BTBD9: variants seen among roughly 807,000 people sequenced by gnomAD.
BTBD9 encodes BTB domain containing 9.
Under a neutral mutation model 64.3 loss-of-function variants are expected in BTBD9, and 49 were observed. That is an observed-to-expected ratio of 0.76 (90% CI 0.61 to 0.97). BTBD9 has a LOEUF of 0.97. Among genes scored for constraint, BTBD9 ranks in the 50% least tolerant of loss-of-function variants. The probability of loss-of-function intolerance (pLI) is 0.00; values close to 1 mark genes in which losing one functional copy is unlikely to be tolerated. For missense variants in BTBD9, 598 were observed against 762.1 expected (o/e 0.78, Z 2.53); for synonymous variants, 260 against 274.7 (o/e 0.95, Z 0.53).
chr6:38,261,537 G>T (rs566164281), intron 8 of BTBD9, among the ~76,000 whole-genome samples: 1 of 152,036 alleles, frequency 6.6e-6, no homozygotes, highest in South Asian at 2.1e-4. Context: ...TTAACTTATT[G>T]AGCTTGAACA....
At position 38,179,586 on chromosome 6, in the gene BTBD9, G is replaced by A. The variant is rs547884071; in HGVS notation, c.1642-4404C>T. On this transcript the variant is annotated intron_variant, in intron 10 of 10. Transcript: ENST00000481247. ...CAGGTGCGCCCACAGCGCAGCTCCT[G>A]CCCTCAGGACCTCTCAGGCAGTTGG... 337 of 456,754 alleles carry A rather than the reference G, an allele frequency of 7.4e-4. No individual in the cohort carries two copies. The Middle Eastern group carries it at 0.012, about 16-fold the overall frequency. 28.3% of individuals were successfully genotyped at this position (456,754 alleles called of 1,614,324 possible). A position where few individuals can be genotyped will look rare whatever the true frequency, so the allele number is the denominator to read the frequency against.
intron 9 of BTBD9, among the ~76,000 whole-genome samples, chr6:38,241,176 C>T (rs1185328125): frequency 1.3e-5 from 2 of 152,214 alleles, no homozygotes; most frequent in African/African-American, 4.8e-5. Flanking sequence ...AATTCAGTAA[C>T]TCTCCAGAGA....
chr6:38,282,313 T>C (rs1350039818), intron 8 of BTBD9, among the ~76,000 whole-genome samples: 1 of 152,256 alleles, frequency 6.6e-6, no homozygotes, highest in Admixed American at 6.5e-5. Context: ...ACTTTTGCTG[T>C]GCTTGTAAAC....
intron 9 of BTBD9, among the ~76,000 whole-genome samples, chr6:38,239,461 G>T (rs114778154): frequency 0.1 from 13,688 of 134,588 alleles, 1,055 homozygotes; most frequent in East Asian, 0.45. Context: ...AAAAAAAAAA[G>T]ATATAATCTC....
At chr6:38,359,004 C>A (rs1163601858) in intron 6 of BTBD9, among the ~76,000 whole-genome samples, 1 of 151,974 alleles carries the variant, frequency 6.6e-6, no homozygotes, top group Non-Finnish European at 1.5e-5. Context: ...ATCTCCTGAC[C>A]TCATGATCCA....
Position 38,577,584 on chromosome 6 carries a change from A to G in BTBD9, c.1154+16T>C. On this transcript the variant is annotated intron_variant, in intron 6 of 10. Coordinates refer to ENST00000481247, the MANE Select transcript of BTBD9 (RefSeq NM_001099272.2). Reference sequence around the variant, plus strand: ...ATATAAGAATAAAAATCATTTATTAACCACTGAAAACTAACCTGCAGACAC... The same window carrying G: ...ATATAAGAATAAAAATCATTTATTAGCCACTGAAAACTAACCTGCAGACAC... 1 of 1,588,444 alleles carries G rather than the reference A, an allele frequency of 6.3e-7. No individual in the cohort carries two copies.
At chr6:38,459,422 GC>G (rs1343939864) in intron 6 of BTBD9, among the ~76,000 whole-genome samples, 3 of 152,164 alleles carry the variant, frequency 2.0e-5, no homozygotes, top group African/African-American at 7.2e-5. Flanking sequence ...ACTGGTTCTG[GC>G]CAATGGGTTG....
intron 6 of BTBD9, among the ~76,000 whole-genome samples, chr6:38,399,575 G>GA (rs1766835404): frequency 6.6e-6 from 1 of 152,168 alleles, no homozygotes; most frequent in Non-Finnish European, 1.5e-5. Context: ...CTATGGCAGA[G>GA]ACTGTGAGTT....
chr6:38,314,724 T>C (rs1762971278), intron 7 of BTBD9, among the ~76,000 whole-genome samples: 1 of 152,220 alleles, frequency 6.6e-6, no homozygotes, highest in Admixed American at 6.5e-5. Flanking sequence ...AGTTGTTAAG[T>C]TAGAAATTTA....
At chr6:38,608,743 A>G (rs1377164774) in intron 1 of BTBD9, among the ~76,000 whole-genome samples, 1 of 152,212 alleles carries the variant, frequency 6.6e-6, no homozygotes. Context: ...CAACTCTGAG[A>G]AATTTGTACA....
intron 1 of BTBD9, among the ~76,000 whole-genome samples, chr6:38,627,469 T>C (rs1319473958): frequency 6.6e-6 from 1 of 152,162 alleles, no homozygotes; most frequent in African/African-American, 2.4e-5. Context: ...TGTTTCTGAA[T>C]AGATATGCAA....
rs549827370 is a variant in BTBD9, at chr6:38,542,395, C to T, written c.1154+35205G>A. Among the ~76,000 whole-genome samples, 3 of 152,248 alleles carry T rather than the reference C, an allele frequency of 2.0e-5. No homozygotes were observed. The East Asian group carries it at 5.8e-4, about 29-fold the overall frequency. Reference sequence around the variant, plus strand: ...CCCAGTGTCAAGGATGTCTCCCTCTCTCATTCTCTCCTCTATCCATTCTCT... The same window carrying T: ...CCCAGTGTCAAGGATGTCTCCCTCTTTCATTCTCTCCTCTATCCATTCTCT... On this transcript the variant is annotated intron_variant, in intron 6 of 10. Coordinates refer to ENST00000481247, the MANE Select transcript of BTBD9 (RefSeq NM_001099272.2).
rs1280692259 is a variant in BTBD9, at chr6:38,374,288, T to TATATATATACAC, written c.1155-29196_1155-29195insGTGTATATATAT. Among the ~76,000 whole-genome samples, 102 of 69,274 alleles carry TATATATATACAC rather than the reference T, an allele frequency of 1.5e-3. 6 individuals carry two copies. Among genetic ancestry groups the TATATATATACAC allele is most frequent in the African/African-American group, 0.011 (92 of 8,412 alleles). 45.4% of individuals were successfully genotyped at this position (69,274 alleles called of 152,430 possible). A position where few individuals can be genotyped will look rare whatever the true frequency, so the allele number is the denominator to read the frequency against. ...TGTGTCGAAAAAAAAAAAAAGTATA[T>TATATATATACAC]ATATATATGTATATATATGTATATA... On this transcript the variant is annotated intron_variant, in intron 6 of 10. Transcript: ENST00000481247.
chr6:38,310,734 A>G (rs375432942), intron 7 of BTBD9, among the ~76,000 whole-genome samples: 5 of 152,278 alleles, frequency 3.3e-5, no homozygotes, highest in South Asian at 4.1e-4. Context: ...GGTACAGGGT[A>G]TCCATCACCT....
chr6:38,444,627 C>T (rs1769188812), intron 6 of BTBD9, among the ~76,000 whole-genome samples: 1 of 152,078 alleles, frequency 6.6e-6, no homozygotes, highest in Non-Finnish European at 1.5e-5. Flanking sequence ...TTACTTAACC[C>T]CTCTGTACTT....
chr6:38,374,286 T>TATATATATATACACAC (rs1444399511), intron 6 of BTBD9, among the ~76,000 whole-genome samples: 1 of 67,514 alleles, frequency 1.5e-5, no homozygotes, highest in African/African-American at 1.3e-4. Flanking sequence ...AAAAAAAGTA[T>TATATATATATACACAC]ATATATATAT....
chr6:38,634,831 A>G (rs1188370634), intron 1 of BTBD9, among the ~76,000 whole-genome samples: 4 of 152,224 alleles, frequency 2.6e-5, no homozygotes, highest in African/African-American at 9.6e-5. Flanking sequence ...TAGATTCTGG[A>G]GAAAACAAAA....
chr6:38,592,554 T>A lies in BTBD9; in HGVS notation c.814+22A>T, dbSNP rs577473055. On this transcript the variant is annotated intron_variant, in intron 4 of 10. Coordinates refer to ENST00000481247, the MANE Select transcript of BTBD9 (RefSeq NM_001099272.2). ...AGGCATACCAAGCTTCTTGGTTGAG[T>A]TTAGGATAGACAGGTACTTACTGAG... The A allele has an allele frequency of 5.6e-6, 9 of 1,610,848 alleles. 1 individual carries two copies. In the Middle Eastern group the frequency reaches 6.6e-4, roughly 118 times the overall value.
intron 7 of BTBD9, among the ~76,000 whole-genome samples, chr6:38,323,079 C>T (rs1305466506): frequency 6.6e-6 from 1 of 152,212 alleles, no homozygotes; most frequent in Non-Finnish European, 1.5e-5. Context: ...AGAATCATGA[C>T]ACAAAGCTTA....
Sources: gnomAD v4.1 joint callset for allele counts (sites outside exome capture counted in the v4.1 genomes callset) on GRCh38, gnomAD v4.1.1 for gene constraint, MANE v1.5 for transcripts, NCBI Gene and HGNC (gene_info 2026-07-23, HGNC 2026-07-21) for gene names.